The following MLLT10 variants were observed in gnomAD, a reference collection of about 807,000 sequenced individuals.
MLLT10 encodes MLLT10 histone lysine methyltransferase DOT1L cofactor, also known as protein AF-10.
In MLLT10, 30 loss-of-function variants were observed where a neutral mutation model predicts 129.1. That is an observed-to-expected ratio of 0.23 (90% CI 0.17 to 0.32). MLLT10 has a LOEUF of 0.32. Among genes scored for constraint, MLLT10 ranks in the 10% least tolerant of loss-of-function variants. The probability of loss-of-function intolerance (pLI) is 1.00; values close to 1 mark genes in which losing one functional copy is unlikely to be tolerated. For missense variants in MLLT10, 1,119 were observed against 1,268.3 expected, an observed-to-expected ratio of 0.88 and a Z score of 1.79; for synonymous variants, 490 against 446.4, an observed-to-expected ratio of 1.10 and a Z score of -1.23.
chr10:21,565,342 C>T (rs2039413091), intron 3 of MLLT10, among the ~76,000 whole-genome samples: 1 of 152,092 alleles, frequency 6.6e-6, no homozygotes, highest in East Asian at 1.9e-4. Flanking sequence ...GAATCTTGCA[C>T]TGTAGCCTGG....
At chr10:21,620,866 A>ATTTTTTTTTT (rs1554821255) in intron 8 of MLLT10, among the ~76,000 whole-genome samples, 1 of 151,336 alleles carries the variant, frequency 6.6e-6, no homozygotes. Flanking sequence ...AATTTTCTGT[A>ATTTTTTTTTT]TTTTTAGTAG....
Position 21,594,915 on chromosome 10 carries a change from T to A in MLLT10, c.296-416T>A, listed in dbSNP as rs1456892657. ...ATGATTATTACTAATATTAAAAATATTGACACTAAGATAAAAATAATTTCA... is the reference window on the plus strand; with the variant it reads ...ATGATTATTACTAATATTAAAAATAATGACACTAAGATAAAAATAATTTCA... On this transcript the variant is annotated intron_variant, in intron 4 of 22. Transcript: ENST00000307729. Among the ~76,000 whole-genome samples, 6 of 152,280 alleles carry A rather than the reference T, an allele frequency of 3.9e-5. No individual in the cohort carries two copies. In the East Asian group the frequency reaches 5.8e-4, roughly 15 times the overall value.
At chr10:21,559,284 A>G (rs1300272304) in intron 3 of MLLT10, among the ~76,000 whole-genome samples, 3 of 152,122 alleles carry the variant, frequency 2.0e-5, no homozygotes, top group African/African-American at 4.8e-5. Context: ...GGGTTTCACT[A>G]TGTTGGCCAG....
At chr10:21,740,319 G>T in intron 22 of MLLT10, 83 bp downstream of exon 22, 1 of 1,461,378 alleles carries the variant, frequency 6.8e-7, no homozygotes, top group Non-Finnish European at 9.4e-7. Flanking sequence ...GCCTGGTTTT[G>T]TTCCCCTGAT....
intron 8 of MLLT10, among the ~76,000 whole-genome samples, chr10:21,626,486 A>G (rs545053704): frequency 6.6e-6 from 1 of 152,202 alleles, no homozygotes; most frequent in Non-Finnish European, 1.5e-5. Flanking sequence ...TATTCCTGCA[A>G]GAATCAACCC....
intron 21 of MLLT10, among the ~76,000 whole-genome samples, chr10:21,739,073 C>T (rs1457645554): frequency 6.6e-6 from 1 of 152,174 alleles, no homozygotes; most frequent in Non-Finnish European, 1.5e-5. Flanking sequence ...TTTTCCTCAC[C>T]TCAGCTGATG....
At chr10:21,534,902 C>A in intron 2 of MLLT10, 98 bp downstream of exon 2, 1 of 893,916 alleles carries the variant, frequency 1.1e-6, no homozygotes, top group African/African-American at 1.8e-5. Flanking sequence ...CGCCCCGTGC[C>A]GCGGCCGCGG....
intron 3 of MLLT10, among the ~76,000 whole-genome samples, chr10:21,566,453 C>T (rs1219320812): frequency 3.3e-5 from 5 of 151,268 alleles, no homozygotes; most frequent in South Asian, 2.1e-4. Context: ...CTCAGTCTCC[C>T]GAGTAGATGG....
intron 4 of MLLT10, among the ~76,000 whole-genome samples, chr10:21,588,373 G>A (rs533800613): frequency 1.3e-5 from 2 of 152,132 alleles, no homozygotes; most frequent in African/African-American, 2.4e-5. Context: ...GGCATGAACA[G>A]TTTATCTTGT....
chr10:21,733,725 C>G (rs1204488211), intron 19 of MLLT10, 43 bp from the exon 20 acceptor site: 1 of 1,561,344 alleles, frequency 6.4e-7, no homozygotes, highest in East Asian at 2.2e-5. Flanking sequence ...TACGCTGGGA[C>G]TTAATGTCCA....
chr10:21,735,248 T>TTTTGA lies in MLLT10; in HGVS notation c.2955+15_2955+19dup. 6.4e-7 allele frequency: 1 copy of TTTTGA among 1,573,964 alleles called. No individual in the cohort carries two copies. Among genetic ancestry groups the TTTTGA allele is most frequent in the Non-Finnish European group, 8.7e-7 (1 of 1,144,562 alleles). ...ACAGCTCACACCAGTAAGTTCTTTC[T>TTTTGA]TTTGATAATATCTTATTAGGAGCAT... On this transcript the variant is annotated intron_variant, in intron 21 of 22. Coordinates refer to ENST00000307729, the MANE Select transcript of MLLT10 (RefSeq NM_001195626.3).
chr10:21,632,870 A>G (rs2047127527), intron 8 of MLLT10, among the ~76,000 whole-genome samples: 1 of 152,186 alleles, frequency 6.6e-6, no homozygotes, highest in African/African-American at 2.4e-5. Flanking sequence ...ACTAAGAAAA[A>G]ATCATGCCAA....
At chr10:21,544,044 G>GT (rs1416216344) in intron 3 of MLLT10, among the ~76,000 whole-genome samples, 1 of 152,148 alleles carries the variant, frequency 6.6e-6, no homozygotes, top group African/African-American at 2.4e-5. Flanking sequence ...CCCACATACT[G>GT]TGCTAAATGT....
intron 4 of MLLT10, among the ~76,000 whole-genome samples, chr10:21,593,985 A>G (rs2042768020): frequency 7.0e-6 from 1 of 143,594 alleles, no homozygotes; most frequent in Non-Finnish European, 1.5e-5. Flanking sequence ...AGCCAAGATG[A>G]TACTGTTTTC....
At position 21,675,360 on chromosome 10, in the gene MLLT10, A is replaced by G. The variant is rs531943220; in HGVS notation, c.1621+1441A>G. ...CCAGAATCCCCAGTCCCTGCCCCCT[A>G]CAGGCCAAGAGCATCATCACACTCT... is the stretch of plus-strand genomic sequence containing the variant. On this transcript the variant is annotated intron_variant, in intron 11 of 22. Transcript: ENST00000307729. Among the ~76,000 whole-genome samples the G allele has an allele frequency of 4.6e-5, 7 of 152,300 alleles. No individual in the cohort carries two copies. The South Asian group carries it at 1.2e-3, about 27-fold the overall frequency.
At chr10:21,690,873 G>A (rs2053786220) in intron 13 of MLLT10, among the ~76,000 whole-genome samples, 1 of 152,008 alleles carries the variant, frequency 6.6e-6, no homozygotes, top group African/African-American at 2.4e-5. Context: ...CTCTTGCACA[G>A]ATTATTCTAA....
chr10:21,591,631 A>G (rs1012804105), intron 4 of MLLT10, among the ~76,000 whole-genome samples: 6 of 152,032 alleles, frequency 3.9e-5, no homozygotes, highest in Admixed American at 1.3e-4. Flanking sequence ...TCCTATATAT[A>G]TATACACAAG....
chr10:21,718,440 C>T (rs1192721077), intron 14 of MLLT10, among the ~76,000 whole-genome samples: 2 of 152,068 alleles, frequency 1.3e-5, no homozygotes, highest in Non-Finnish European at 2.9e-5. Context: ...TCTGTACTGT[C>T]TTTGGGAGAA....
chr10:21,720,060 A>C (rs1006670687), intron 14 of MLLT10, among the ~76,000 whole-genome samples: 1 of 152,228 alleles, frequency 6.6e-6, no homozygotes, highest in Non-Finnish European at 1.5e-5. Flanking sequence ...ATAAGATATT[A>C]ACCAGTTAAG....
Sources: gnomAD v4.1 joint callset for allele counts (sites outside exome capture counted in the v4.1 genomes callset) on GRCh38, gnomAD v4.1.1 for gene constraint, MANE v1.5 for transcripts, NCBI Gene and HGNC (gene_info 2026-07-23, HGNC 2026-07-21) for gene names.